KSR2: variants seen among roughly 807,000 people sequenced by gnomAD.
KSR2 encodes the protein kinase suppressor of ras 2.
Under a neutral mutation model 107.8 loss-of-function variants are expected in KSR2, and 25 were observed. That is an observed-to-expected ratio of 0.23 (90% CI 0.17 to 0.32). The LOEUF (loss-of-function observed/expected upper bound fraction) is 0.32, where lower values mean the gene tolerates loss of function less well. KSR2 is among the 10% of genes least tolerant of loss of function. KSR2 has a pLI of 1.00. For synonymous variants in KSR2, 480 were observed against 507.0 expected (o/e 0.95, Z 0.71); for missense variants, 887 against 1,268.9 (o/e 0.70, Z 4.57).
chr12:117,751,403 T>C (rs980285829), intron 4 of KSR2, among the ~76,000 whole-genome samples: 2 of 152,222 alleles, frequency 1.3e-5, no homozygotes, highest in Non-Finnish European at 2.9e-5. Flanking sequence ...CTCTTCTGCA[T>C]GAGAATTTAA....
At chr12:117,745,610 G>A (rs1888378683) in intron 4 of KSR2, among the ~76,000 whole-genome samples, 1 of 152,114 alleles carries the variant, frequency 6.6e-6, no homozygotes, top group Non-Finnish European at 1.5e-5. Context: ...GAAATAAAGG[G>A]TATTCAAATA....
intron 4 of KSR2, chr12:117,674,167 A>C (rs1400578749): frequency 1.2e-5 from 5 of 421,382 alleles, no homozygotes; most frequent in Non-Finnish European, 1.9e-5. Flanking sequence ...TGCCCAATTT[A>C]CATACAGTAT....
intron 5 of KSR2, among the ~76,000 whole-genome samples, chr12:117,632,218 C>CTTTTTTTTTTTTTTTTTTTTTTTTTTTTT: frequency 1.2e-5 from 1 of 84,028 alleles, no homozygotes; most frequent in Non-Finnish European, 2.1e-5. Context: ...AGTCCTACTC[C>CTTTTTTTTTTTTTTTTTTTTTTTTTTTTT]TTTTTTTTTT....
chr12:117,846,369 C>T (rs905019202), intron 3 of KSR2, among the ~76,000 whole-genome samples: 5 of 150,660 alleles, frequency 3.3e-5, no homozygotes, highest in Admixed American at 6.6e-5. Flanking sequence ...TCTTGGCTCA[C>T]GGCAGCCTTG....
At chr12:117,612,812 T>C (rs886460072) in intron 5 of KSR2, among the ~76,000 whole-genome samples, 1 of 152,184 alleles carries the variant, frequency 6.6e-6, no homozygotes, top group African/African-American at 2.4e-5. Context: ...AATTGGATCA[T>C]GGTGGCAGTT....
intron 5 of KSR2, among the ~76,000 whole-genome samples, chr12:117,641,339 C>G (rs573839357): frequency 7.4e-4 from 112 of 152,274 alleles, no homozygotes; most frequent in African/African-American, 2.6e-3. Flanking sequence ...TCAGAGCCGA[C>G]CCACCTGCCT....
At chr12:117,965,206 C>G (rs57461207) in intron 1 of KSR2, among the ~76,000 whole-genome samples, 1 of 152,170 alleles carries the variant, frequency 6.6e-6, no homozygotes, top group African/African-American at 2.4e-5. Flanking sequence ...CAGATGTAAT[C>G]GCTGAAGCTG....
intron 14 of KSR2, among the ~76,000 whole-genome samples, chr12:117,491,574 T>C (rs1215328361): frequency 6.6e-6 from 1 of 152,230 alleles, no homozygotes; most frequent in Non-Finnish European, 1.5e-5. Context: ...CCTTCTTTTT[T>C]TAAGGCTGAA....
chr12:117,810,054 G>A lies in KSR2; in HGVS notation c.472+45374C>T, dbSNP rs116717569. The stretch of plus-strand genomic sequence containing the variant: ...TCTCAGCTAGGAGGAAGTAGAGCCC[G>A]AATGAGCCTTTGCTGAGGCCCCCAG... On this transcript the variant is annotated intron_variant, in intron 3 of 19. Transcript: ENST00000339824. Among the ~76,000 whole-genome samples the A allele has an allele frequency of 4.5e-3, 682 of 152,270 alleles. 5 individuals carry two copies. The highest frequency in any genetic ancestry group is 0.015 in the African/African-American group (629 of 41,558).
chr12:117,501,738 G>C (rs943719190), intron 14 of KSR2, among the ~76,000 whole-genome samples: 1 of 152,218 alleles, frequency 6.6e-6, no homozygotes, highest in Non-Finnish European at 1.5e-5. Context: ...CCTGTGTTAC[G>C]CAAGGTGGAG....
chr12:117,612,736 G>C (rs1337080187), intron 5 of KSR2, among the ~76,000 whole-genome samples: 3 of 152,198 alleles, frequency 2.0e-5, no homozygotes, highest in African/African-American at 7.2e-5. Flanking sequence ...GTTTGGCTCT[G>C]TGTCCCCACC....
chr12:117,915,006 G>C (rs1039698917), intron 1 of KSR2, among the ~76,000 whole-genome samples: 2 of 152,224 alleles, frequency 1.3e-5, no homozygotes, highest in Non-Finnish European at 2.9e-5. Flanking sequence ...ATGAGGGTCA[G>C]CAACACTAAA....
intron 5 of KSR2, among the ~76,000 whole-genome samples, chr12:117,605,523 T>A (rs1881178681): frequency 6.6e-6 from 1 of 152,178 alleles, no homozygotes; most frequent in Non-Finnish European, 1.5e-5. Flanking sequence ...GCATTAGCTA[T>A]TTTTCCTAAT....
At chr12:117,603,556 ACCCAC>A (rs1881072236) in intron 5 of KSR2, among the ~76,000 whole-genome samples, 2 of 152,166 alleles carry the variant, frequency 1.3e-5, no homozygotes, top group East Asian at 3.8e-4. Context: ...GTCATAGGGA[ACCCAC>A]CAAGGGCCAG....
intron 4 of KSR2, among the ~76,000 whole-genome samples, chr12:117,677,869 T>C (rs1043020151): frequency 1.3e-5 from 2 of 152,186 alleles, no homozygotes; most frequent in Non-Finnish European, 2.9e-5. Context: ...TACAAGTGAA[T>C]ATTAACAACA....
At chr12:117,535,034 C>T (rs1296290310) in intron 10 of KSR2, among the ~76,000 whole-genome samples, 2 of 152,290 alleles carry the variant, frequency 1.3e-5, no homozygotes, top group African/African-American at 4.8e-5. Flanking sequence ...TTTTAAGCCA[C>T]AAAGTATGTG....
intron 5 of KSR2, among the ~76,000 whole-genome samples, chr12:117,601,000 A>T (rs1328381602): frequency 6.6e-6 from 1 of 152,100 alleles, no homozygotes; most frequent in African/African-American, 2.4e-5. Flanking sequence ...CTGTTTACTT[A>T]CTTACCTGCA....
chr12:117,931,584 C>T (rs1319570272), intron 1 of KSR2, among the ~76,000 whole-genome samples: 2 of 152,306 alleles, frequency 1.3e-5, no homozygotes, highest in East Asian at 3.9e-4. Context: ...CATCCGTCAC[C>T]CTTCCCAACA....
rs151252802 is a variant in KSR2 at position 117,803,846 on chromosome 12, G to C, written c.473-42322C>G. ...ATCATTGTCCCCATTTTACAGAGCA[G>C]TACACTGGGGCTCAGAGAGGTTAAG... On this transcript the variant is annotated intron_variant, in intron 3 of 19. Coordinates refer to ENST00000339824, the MANE Select transcript of KSR2 (RefSeq NM_173598.6). Among the ~76,000 whole-genome samples, 25 of 152,286 alleles carry C rather than the reference G, an allele frequency of 1.6e-4. No homozygotes were observed. In the East Asian group the frequency reaches 3.9e-3, roughly 24 times the overall value.
Sources: gnomAD v4.1 joint callset for allele counts (sites outside exome capture counted in the v4.1 genomes callset) on GRCh38, gnomAD v4.1.1 for gene constraint, MANE v1.5 for transcripts, NCBI Gene and HGNC (gene_info 2026-07-23, HGNC 2026-07-21) for gene names.